CCDC93: variants seen among roughly 807,000 people sequenced by gnomAD.
CCDC93 encodes CCC complex scaffolding subunit CCDC93.
A neutral mutation model predicts 108.2 loss-of-function variants in CCDC93; 61 were observed. That is an observed-to-expected ratio of 0.56 (90% confidence interval 0.46 to 0.70). The LOEUF is 0.70. CCDC93 is among the 30% of genes least tolerant of loss of function. The pLI, the probability that CCDC93 is intolerant of heterozygous loss-of-function variation, is 0.00. For synonymous variants in CCDC93, 276 were observed against 260.4 expected, an observed-to-expected ratio of 1.06 and a Z score of -0.58; for missense variants, 685 against 764.2, an observed-to-expected ratio of 0.90 and a Z score of 1.22.
intron 2 of CCDC93, 123 bp from the exon 3 acceptor site, chr2:118,006,939 TGA>T: frequency 1.6e-6 from 1 of 628,276 alleles, no homozygotes; most frequent in African/African-American, 1.8e-5. Context: ...TTATATATCT[TGA>T]GAGAGAGAGT....
At chr2:117,986,496 G>A (rs1054251106) in intron 6 of CCDC93, among the ~76,000 whole-genome samples, 3 of 151,860 alleles carry the variant, frequency 2.0e-5, no homozygotes, top group Non-Finnish European at 2.9e-5. Context: ...CAAGGTATTC[G>A]GGCTGCTTGT....
At chr2:117,920,444 C>T (rs367980424) in intron 23 of CCDC93, 48 bp from the exon 24 acceptor site, 51 of 1,376,096 alleles carry the variant, frequency 3.7e-5, no homozygotes, top group Non-Finnish European at 4.8e-5. Context: ...TACATTAGCA[C>T]CCATGTGAGG....
rs1436011198 is a variant in CCDC93 at position 117,917,415 on chromosome 2, C to T, written c.*2928G>A. The T allele has an allele frequency of 1.3e-5, 2 of 152,738 alleles. No homozygotes were observed. Among genetic ancestry groups the T allele is most frequent in the African/African-American group, 4.8e-5 (2 of 41,440 alleles). The allele number at this position is 152,738 out of a possible 1,614,324, so 9.5% of individuals were successfully genotyped here. ...GGAGGTCCCGAGGGCTCGGTATTGTCAGAGAATGCTTCCCATGCCTGGACC... is the reference window on the plus strand; with the variant it reads ...GGAGGTCCCGAGGGCTCGGTATTGTTAGAGAATGCTTCCCATGCCTGGACC... On this transcript the variant is annotated 3_prime_UTR_variant, in exon 24 of 24. Coordinates refer to ENST00000376300, the MANE Select transcript of CCDC93 (RefSeq NM_019044.5).
intron 3 of CCDC93, among the ~76,000 whole-genome samples, chr2:118,002,262 G>A (rs953101370): frequency 1.3e-5 from 2 of 152,126 alleles, no homozygotes; most frequent in Admixed American, 1.3e-4. Context: ...TCTTTCTGCA[G>A]TTCAATAATC....
intron 3 of CCDC93, among the ~76,000 whole-genome samples, chr2:118,002,906 T>C (rs1193441583): frequency 6.6e-6 from 1 of 152,172 alleles, no homozygotes; most frequent in African/African-American, 2.4e-5. Context: ...GGCATAATGG[T>C]GCATTCCTAC....
Position 117,949,945 on chromosome 2 carries a change from AT to A in CCDC93, c.1069-551del, listed in dbSNP as rs1679001148. 4.4e-5 allele frequency: 43 copies of A among 985,452 alleles called. No individual in the cohort carries two copies. The South Asian group carries it at 1.8e-3, about 41-fold the overall frequency. The allele number at this position is 985,452 out of a possible 1,614,324, so 61.0% of individuals were successfully genotyped here. On this transcript the variant is annotated intron_variant, in intron 13 of 23. Transcript: ENST00000376300. The stretch of plus-strand genomic sequence containing the variant: ...CTGGTGTGCAGTGTTGGGGATCTGC[AT>A]TAGGAATAGCCACATAGGCTAGGCA...
intron 17 of CCDC93, 85 bp downstream of exon 17, chr2:117,945,444 G>A: frequency 1.8e-6 from 2 of 1,082,206 alleles, no homozygotes; most frequent in Non-Finnish European, 2.9e-6. Context: ...CATTAAAGTA[G>A]GCATGAGAAG....
intron 11 of CCDC93, among the ~76,000 whole-genome samples, chr2:117,959,125 C>G (rs1679310528): frequency 6.6e-6 from 1 of 152,116 alleles, no homozygotes; most frequent in Non-Finnish European, 1.5e-5. Flanking sequence ...AGAGAGATCT[C>G]TGAACAAGAT....
At chr2:117,941,148 CT>C (rs1282846197) in intron 19 of CCDC93, 40 bp downstream of exon 19, 1 of 1,444,712 alleles carries the variant, frequency 6.9e-7, no homozygotes, top group South Asian at 1.1e-5. Flanking sequence ...TCGCCTGTCC[CT>C]TCCCAGCCTC....
At chr2:117,950,473 A>G in intron 13 of CCDC93, 1 of 985,440 alleles carries the variant, frequency 1.0e-6, no homozygotes, top group Non-Finnish European at 1.2e-6. Context: ...CACAGGTGTC[A>G]GGCACCACTG....
intron 17 of CCDC93, chr2:117,944,849 T>C (rs1678817890): frequency 4.3e-6 from 2 of 469,458 alleles, no homozygotes; most frequent in Non-Finnish European, 8.8e-6. Flanking sequence ...AGAAGGCAGA[T>C]GCTTACAGTT....
chr2:118,002,732 G>A (rs774490208), intron 3 of CCDC93, among the ~76,000 whole-genome samples: 14 of 152,112 alleles, frequency 9.2e-5, no homozygotes, highest in Non-Finnish European at 1.9e-4. Context: ...GGTGAAGAGT[G>A]ATTTATCCAC....
intron 19 of CCDC93, among the ~76,000 whole-genome samples, chr2:117,939,793 C>T (rs1678641660): frequency 6.6e-6 from 1 of 152,092 alleles, no homozygotes; most frequent in Non-Finnish European, 1.5e-5. Context: ...GAGGCCAAGT[C>T]CTCAAGGCAA....
At chr2:117,935,647 G>A in intron 21 of CCDC93, 68 bp from the exon 22 acceptor site, 5 of 1,141,864 alleles carry the variant, frequency 4.4e-6, no homozygotes, top group East Asian at 2.3e-5. Context: ...ATGCCAAGCA[G>A]TCAGCTCTGT....
intron 14 of CCDC93, 59 bp from the exon 15 acceptor site, chr2:117,948,245 A>G (rs550121098): frequency 2.4e-6 from 3 of 1,271,338 alleles, no homozygotes; most frequent in African/African-American, 3.0e-5. Flanking sequence ...TATGAATCGC[A>G]GCTAAAAGCA....
At chr2:117,945,477 T>G in intron 17 of CCDC93, 52 bp downstream of exon 17, 1 of 1,495,602 alleles carries the variant, frequency 6.7e-7, no homozygotes, top group Non-Finnish European at 9.3e-7. Flanking sequence ...AGTGGAAAGC[T>G]GGCCGCCTGC....
intron 6 of CCDC93, among the ~76,000 whole-genome samples, chr2:117,988,885 C>T (rs369502951): frequency 6.6e-6 from 1 of 152,154 alleles, no homozygotes; most frequent in East Asian, 1.9e-4. Flanking sequence ...TGTAAGTATA[C>T]ATCTTCTGCT....
intron 6 of CCDC93, 91 bp downstream of exon 6, chr2:117,995,355 G>C: frequency 1.0e-6 from 1 of 997,268 alleles, no homozygotes; most frequent in Non-Finnish European, 1.6e-6. Context: ...CCCGTAGATG[G>C]AAGCCTCAGG....
rs186902375 is a variant in CCDC93 at position 117,922,757 on chromosome 2, G to A, written c.1843-2361C>T. Among the ~76,000 whole-genome samples the A allele has an allele frequency of 1.6e-4, 24 of 152,292 alleles. No individual in the cohort carries two copies. In the East Asian group the frequency reaches 4.2e-3, roughly 27 times the overall value. ...GGGGATGGTGAGAAGGCAAAATAGA[G>A]GGTGCTGGAGAAGGCTCCACCCTGG... is the stretch of plus-strand genomic sequence containing the variant. On this transcript the variant is annotated intron_variant, in intron 23 of 23. Transcript: ENST00000376300.
Sources: allele counts gnomAD v4.1 joint callset (sites outside exome capture counted in the v4.1 genomes callset), GRCh38; gene constraint gnomAD v4.1.1; transcripts MANE v1.5; gene names NCBI Gene and HGNC (gene_info 2026-07-23, HGNC 2026-07-21).